Variants in DLGAP2 observed in about 807,000 individuals in gnomAD.
The protein encoded by DLGAP2 is DLG associated protein 2, also known as disks large-associated protein 2.
Under a neutral mutation model 100.3 loss-of-function variants are expected in DLGAP2, and 26 were observed. The observed-to-expected ratio is 0.26, with a 90% CI of 0.19 to 0.36. The LOEUF is 0.36. Among genes scored for constraint, DLGAP2 ranks in the 10% least tolerant of loss-of-function variants. DLGAP2 has a pLI of 1.00. For missense variants in DLGAP2, 1,858 were observed against 1,453.2 expected (o/e 1.28, Z -4.53); for synonymous variants, 886 against 630.1 (o/e 1.41, Z -6.08).
In DLGAP2 at chr8:800,835, C is replaced by G. The variant is rs188579052; in HGVS notation, c.18+63010C>G. Among the ~76,000 whole-genome samples the G allele has an allele frequency of 6.6e-3, 1,004 of 152,208 alleles. 7 individuals carry two copies. Among genetic ancestry groups the G allele is most frequent in the Non-Finnish European group, 0.011 (759 of 68,012 alleles). Reference sequence around the variant, plus strand: ...TGTGACATTTGCTGAGAAGAGGTTGCTGTTGGCAGCCCTGCGTCTCCAAGG... The same window carrying G: ...TGTGACATTTGCTGAGAAGAGGTTGGTGTTGGCAGCCCTGCGTCTCCAAGG... On this transcript the variant is annotated intron_variant, in intron 1 of 14. Coordinates refer to ENST00000637795, the MANE Select transcript of DLGAP2 (RefSeq NM_001346810.2).
intron 2 of DLGAP2, among the ~76,000 whole-genome samples, chr8:1,186,029 C>T (rs572836371): frequency 1.3e-5 from 2 of 152,272 alleles, no homozygotes; most frequent in Admixed American, 1.3e-4. Context: ...ATGAGTGAGT[C>T]AGGTTTGGAG....
At chr8:754,773 C>T (rs1820882578) in intron 1 of DLGAP2, among the ~76,000 whole-genome samples, 1 of 152,124 alleles carries the variant, frequency 6.6e-6, no homozygotes, top group African/African-American at 2.4e-5. Flanking sequence ...GTCCAGGAGT[C>T]TGAGGCTGCC....
intron 2 of DLGAP2, among the ~76,000 whole-genome samples, chr8:952,128 C>T (rs759440435): frequency 2.6e-5 from 4 of 152,150 alleles, no homozygotes; most frequent in Non-Finnish European, 4.4e-5. Context: ...GCCTCCTGCC[C>T]AGCTCATGGA....
intron 2 of DLGAP2, among the ~76,000 whole-genome samples, chr8:1,183,837 C>T (rs1222003204): frequency 6.6e-6 from 1 of 152,252 alleles, no homozygotes; most frequent in African/African-American, 2.4e-5. Flanking sequence ...AGAGAACGTA[C>T]TGCCTCCATT....
At chr8:941,836 T>C (rs1477358350) in intron 2 of DLGAP2, among the ~76,000 whole-genome samples, 1 of 151,738 alleles carries the variant, frequency 6.6e-6, no homozygotes, top group Non-Finnish European at 1.5e-5. Context: ...TTTTTGAAAA[T>C]CCTCCCTTTC....
At chr8:888,871 C>T (rs778324093) in intron 1 of DLGAP2, among the ~76,000 whole-genome samples, 8 of 152,052 alleles carry the variant, frequency 5.3e-5, no homozygotes, top group Admixed American at 2.0e-4. Context: ...GCACGAGGAG[C>T]AGGTTTCATG....
chr8:1,613,341 A>G (rs1254552344), intron 6 of DLGAP2, among the ~76,000 whole-genome samples: 26 of 150,396 alleles, frequency 1.7e-4, no homozygotes, highest in African/African-American at 5.9e-4. Context: ...GAACTGAACA[A>G]TTAGAACACG....
At chr8:1,193,430 T>C (rs867065210) in intron 2 of DLGAP2, among the ~76,000 whole-genome samples, 14 of 152,250 alleles carry the variant, frequency 9.2e-5, no homozygotes, top group African/African-American at 2.9e-4. Flanking sequence ...CCAGTGATGA[T>C]GAGCATTTTT....
At chr8:1,418,854 C>T (rs1371210263) in intron 3 of DLGAP2, among the ~76,000 whole-genome samples, 1 of 152,234 alleles carries the variant, frequency 6.6e-6, no homozygotes, top group Non-Finnish European at 1.5e-5. Context: ...CCAAGTCTGG[C>T]TTCTGGCCCG....
At chr8:944,276 G>T (rs1009492825) in intron 2 of DLGAP2, among the ~76,000 whole-genome samples, 3 of 151,882 alleles carry the variant, frequency 2.0e-5, no homozygotes, top group Non-Finnish European at 4.4e-5. Context: ...TGATCCAGTG[G>T]ATTGTAACCA....
intron 3 of DLGAP2, among the ~76,000 whole-genome samples, chr8:1,484,821 C>A (rs955736291): frequency 6.6e-6 from 1 of 152,148 alleles, no homozygotes; most frequent in Non-Finnish European, 1.5e-5. Flanking sequence ...GTCCTCCCAC[C>A]CTGAGTCATC....
intron 6 of DLGAP2, among the ~76,000 whole-genome samples, chr8:1,578,637 G>A (rs1471987060): frequency 6.6e-6 from 1 of 152,220 alleles, no homozygotes; most frequent in Non-Finnish European, 1.5e-5. Context: ...TCTTCCTGCT[G>A]TAAAACTGAG....
intron 3 of DLGAP2, among the ~76,000 whole-genome samples, chr8:1,491,155 C>T (rs1458770617): frequency 6.7e-6 from 1 of 149,044 alleles, no homozygotes; most frequent in Non-Finnish European, 1.5e-5. Context: ...CCAGGACGCC[C>T]AGTTAGGTTT....
At chr8:1,083,453 T>C (rs1803874994) in intron 2 of DLGAP2, among the ~76,000 whole-genome samples, 1 of 152,226 alleles carries the variant, frequency 6.6e-6, no homozygotes. Flanking sequence ...ATTTTAACTT[T>C]TATGACGTTC....
chr8:1,019,892 C>G (rs371103261), intron 2 of DLGAP2, among the ~76,000 whole-genome samples: 1 of 152,094 alleles, frequency 6.6e-6, no homozygotes, highest in African/African-American at 2.4e-5. Flanking sequence ...CGTTCCCTTC[C>G]GGGATGGCCT....
At chr8:940,165 A>T (rs982876093) in intron 2 of DLGAP2, among the ~76,000 whole-genome samples, 1 of 152,020 alleles carries the variant, frequency 6.6e-6, no homozygotes, top group East Asian at 1.9e-4. Flanking sequence ...CTTGAGTTTT[A>T]CTACGTATTT....
intron 2 of DLGAP2, among the ~76,000 whole-genome samples, chr8:1,162,154 G>T (rs528305290): frequency 6.6e-6 from 1 of 152,238 alleles, no homozygotes; most frequent in Non-Finnish European, 1.5e-5. Flanking sequence ...AAGCCCTCCC[G>T]GCAGCAGGGG....
At chr8:973,400 G>A (rs1800071816) in intron 2 of DLGAP2, among the ~76,000 whole-genome samples, 1 of 152,064 alleles carries the variant, frequency 6.6e-6, no homozygotes, top group African/African-American at 2.4e-5. Context: ...CTCAGACGGG[G>A]CGGCCGGGCA....
At chr8:1,113,047 G>C (rs927242282) in intron 2 of DLGAP2, among the ~76,000 whole-genome samples, 1 of 152,010 alleles carries the variant, frequency 6.6e-6, no homozygotes, top group Non-Finnish European at 1.5e-5. Flanking sequence ...CTGTCTATTC[G>C]GTTCCATTGG....
Sources: gnomAD v4.1 joint callset for allele counts (sites outside exome capture counted in the v4.1 genomes callset) on GRCh38, gnomAD v4.1.1 for gene constraint, MANE v1.5 for transcripts, NCBI Gene and HGNC (gene_info 2026-07-23, HGNC 2026-07-21) for gene names.